NCKAP5: variants seen among roughly 807,000 people sequenced by gnomAD.
NCKAP5 encodes nck-associated protein 5.
In NCKAP5, 92 loss-of-function variants were observed where a neutral mutation model predicts 167.0. The observed-to-expected ratio is 0.55, with a 90% CI of 0.47 to 0.66. NCKAP5 has a LOEUF of 0.66. NCKAP5 is among the 30% of genes least tolerant of loss of function. The pLI, the probability that NCKAP5 is intolerant of heterozygous loss-of-function variation, is 0.00. For synonymous variants in NCKAP5, 891 were observed against 877.4 expected, an observed-to-expected ratio of 1.02 and a Z score of -0.27; for missense variants, 2,378 against 2,315.0, an observed-to-expected ratio of 1.03 and a Z score of -0.56.
intron 1 of NCKAP5, among the ~76,000 whole-genome samples, chr2:133,567,690 T>TGC (rs1688658930): frequency 6.6e-6 from 1 of 151,256 alleles, no homozygotes; most frequent in Non-Finnish European, 1.5e-5. Flanking sequence ...TGTGTGTGTG[T>TGC]GTGTGTGTGT....
intron 8 of NCKAP5, among the ~76,000 whole-genome samples, chr2:132,936,699 GA>G (rs1386827673): frequency 6.6e-6 from 1 of 151,670 alleles, no homozygotes; most frequent in Non-Finnish European, 1.5e-5. Flanking sequence ...CATACACATG[GA>G]AAAAAAAGAT....
At chr2:133,246,548 C>T (rs1171023500) in intron 4 of NCKAP5, among the ~76,000 whole-genome samples, 1 of 152,180 alleles carries the variant, frequency 6.6e-6, no homozygotes. Context: ...GTGGGTAAGA[C>T]ATGGTGTGGG....
rs192441341 is a variant in NCKAP5, at chr2:133,310,426, A to G, written c.70-7316T>C. ...GACTTTCTAGTGGAGCTTTCCCATT[A>G]GAGCAAATGATGGCCTCCGCAAGGT... On this transcript the variant is annotated intron_variant, in intron 3 of 19. Transcript: ENST00000409261. Among the ~76,000 whole-genome samples the G allele has an allele frequency of 8.6e-4, 131 of 152,324 alleles. 1 individual carries two copies. The highest frequency in any genetic ancestry group is 4.4e-5 in the Non-Finnish European group (3 of 68,032).
At chr2:133,547,030 G>A (rs867004686) in intron 2 of NCKAP5, among the ~76,000 whole-genome samples, 105 of 152,136 alleles carry the variant, frequency 6.9e-4, no homozygotes, top group African/African-American at 2.3e-3. Flanking sequence ...CGCACCGTGC[G>A]CGAGCTGAAG....
At chr2:132,946,224 G>A (rs113644228) in intron 8 of NCKAP5, among the ~76,000 whole-genome samples, 1,664 of 152,272 alleles carry the variant, frequency 0.011, 27 homozygotes, top group East Asian at 0.049. Context: ...CAGCAAAAGC[G>A]TCAGGAGATG....
chr2:133,652,386 T>C, the NCKAP5 span, among the ~76,000 whole-genome samples: 1 of 152,224 alleles, frequency 6.6e-6, no homozygotes, highest in African/African-American at 2.4e-5. Context: ...AATTTCCCAC[T>C]GCCTCCAAAT....
chr2:133,298,252 C>A (rs953184471), intron 4 of NCKAP5, among the ~76,000 whole-genome samples: 2 of 152,120 alleles, frequency 1.3e-5, no homozygotes, highest in Non-Finnish European at 2.9e-5. Flanking sequence ...TATTGGAGTT[C>A]ATTTTCTTTC....
In NCKAP5 at chr2:132,724,415, C is replaced by T. The variant is rs73957634; in HGVS notation, c.5713+1212G>A. Among the ~76,000 whole-genome samples, 1,270 of 152,208 alleles carry T rather than the reference C, an allele frequency of 8.3e-3. 21 individuals are homozygous for T. The highest frequency in any genetic ancestry group is 0.029 in the African/African-American group (1,204 of 41,522). ...TACTTACTCAATAATGAATGGAGAA[C>T]GTTCGAGAGCTGAAAGGGGCCCTGG... On this transcript the variant is annotated intron_variant, in intron 19 of 19. Coordinates refer to ENST00000409261, the MANE Select transcript of NCKAP5 (RefSeq NM_207363.3).
Position 133,310,784 on chromosome 2 carries a change from T to C in NCKAP5, c.70-7674A>G, listed in dbSNP as rs188149091. On this transcript the variant is annotated intron_variant, in intron 3 of 19. Transcript: ENST00000409261. ...AGTAAGTGAAAGAGTGAATTAATTG[T>C]CTGGATGTAACCAGGCTCATGAGAG... Among the ~76,000 whole-genome samples, 690 of 152,312 alleles carry C rather than the reference T, an allele frequency of 4.5e-3. 9 individuals carry two copies. The highest frequency in any genetic ancestry group is 0.016 in the African/African-American group (648 of 41,564).
At chr2:132,707,621 G>A (rs1026767339) in intron 19 of NCKAP5, among the ~76,000 whole-genome samples, 1 of 152,210 alleles carries the variant, frequency 6.6e-6, no homozygotes, top group African/African-American at 2.4e-5. Context: ...TCTCCTGTGT[G>A]CCAGGCACTG....
intron 6 of NCKAP5, among the ~76,000 whole-genome samples, chr2:133,022,429 G>T (rs1240529112): frequency 6.6e-6 from 1 of 152,110 alleles, no homozygotes; most frequent in South Asian, 2.1e-4. Context: ...CAAACTGAGG[G>T]CACCTAGGAA....
chr2:133,437,308 G>A (rs910748826), intron 3 of NCKAP5, among the ~76,000 whole-genome samples: 2 of 151,714 alleles, frequency 1.3e-5, no homozygotes, highest in African/African-American at 4.8e-5. Flanking sequence ...AGCCGAGATC[G>A]TGCCATTGCA....
the NCKAP5 span, among the ~76,000 whole-genome samples, chr2:133,613,143 A>T: frequency 6.6e-6 from 1 of 152,190 alleles, no homozygotes; most frequent in African/African-American, 2.4e-5. Flanking sequence ...TACCCAAAAA[A>T]GTTATTGAAT....
intron 11 of NCKAP5, among the ~76,000 whole-genome samples, chr2:132,848,707 C>T (rs937327134): frequency 6.6e-6 from 1 of 152,130 alleles, no homozygotes; most frequent in Non-Finnish European, 1.5e-5. Context: ...TCTGTAGTCC[C>T]AGCTACTCAG....
chr2:133,669,583 TTTA>T, the NCKAP5 span, among the ~76,000 whole-genome samples: 1 of 152,182 alleles, frequency 6.6e-6, no homozygotes, highest in Admixed American at 6.5e-5. Flanking sequence ...CAACTTATTT[TTTA>T]TTATCAAAAA....
Position 133,009,570 on chromosome 2 carries a change from T to C in NCKAP5, c.342-15331A>G, listed in dbSNP as rs74586030. ...GTTTCCTGATGTATTCATTCATTCA[T>C]GTATCCCCTCATCCATTTATCTGTT... On this transcript the variant is annotated intron_variant, in intron 6 of 19. Transcript: ENST00000409261. Among the ~76,000 whole-genome samples, 6 of 152,342 alleles carry C rather than the reference T, an allele frequency of 3.9e-5. No individual in the cohort carries two copies. In the East Asian group the frequency reaches 1.2e-3, roughly 29 times the overall value.
intron 11 of NCKAP5, among the ~76,000 whole-genome samples, chr2:132,807,841 A>G (rs1270911192): frequency 1.3e-5 from 2 of 152,122 alleles, no homozygotes; most frequent in Non-Finnish European, 2.9e-5. Flanking sequence ...GTCAGTTCTT[A>G]GAGGGAATGA....
chr2:133,066,634 C>T (rs1033797573), intron 6 of NCKAP5, among the ~76,000 whole-genome samples: 2 of 152,150 alleles, frequency 1.3e-5, no homozygotes, highest in Non-Finnish European at 2.9e-5. Context: ...AAAGCAAACT[C>T]GTTTCCCATA....
chr2:133,598,388 A>G, the NCKAP5 span, among the ~76,000 whole-genome samples: 1 of 152,150 alleles, frequency 6.6e-6, no homozygotes, highest in Non-Finnish European at 1.5e-5. Context: ...TTGTCTCCAA[A>G]ATCCTGTATG....
Sources: gnomAD v4.1 joint callset for allele counts (sites outside exome capture counted in the v4.1 genomes callset) on GRCh38, gnomAD v4.1.1 for gene constraint, MANE v1.5 for transcripts, NCBI Gene and HGNC (gene_info 2026-07-23, HGNC 2026-07-21) for gene names.